The following TMEM132D variants were observed in gnomAD, a reference collection of about 807,000 sequenced individuals.
TMEM132D encodes the protein mature OL transmembrane protein.
A neutral mutation model predicts 62.3 loss-of-function variants in TMEM132D; 21 were observed. That is an observed-to-expected ratio of 0.34 (90% CI 0.24 to 0.49). The LOEUF is 0.49. TMEM132D is among the 20% of genes least tolerant of loss of function. The pLI, the probability that TMEM132D is intolerant of heterozygous loss-of-function variation, is 0.99. For synonymous variants in TMEM132D, 621 were observed against 575.6 expected (o/e 1.08, Z -1.13); for missense variants, 1,346 against 1,402.8 (o/e 0.96, Z 0.65).
intron 2 of TMEM132D, among the ~76,000 whole-genome samples, chr12:129,658,913 G>A (rs1880165092): frequency 6.6e-6 from 1 of 152,050 alleles, no homozygotes; most frequent in Admixed American, 6.6e-5. Context: ...TTAGCAATGA[G>A]ACCCCTGTCT....
At chr12:129,517,659 T>C (rs1875722083) in intron 3 of TMEM132D, among the ~76,000 whole-genome samples, 1 of 152,200 alleles carries the variant, frequency 6.6e-6, no homozygotes, top group South Asian at 2.1e-4. Context: ...AAAAACTACA[T>C]GAAATTTTCC....
intron 1 of TMEM132D, among the ~76,000 whole-genome samples, chr12:129,881,383 A>T (rs1470214279): frequency 1.3e-5 from 2 of 152,088 alleles, no homozygotes; most frequent in Non-Finnish European, 2.9e-5. Context: ...TCCTCACAAC[A>T]GCACAAAATA....
chr12:129,446,671 C>G (rs1873107357), intron 3 of TMEM132D, among the ~76,000 whole-genome samples: 1 of 152,162 alleles, frequency 6.6e-6, no homozygotes, highest in Admixed American at 6.5e-5. Context: ...TTACTGCTTC[C>G]CATGCCATGG....
intron 3 of TMEM132D, among the ~76,000 whole-genome samples, chr12:129,512,071 G>T (rs1353954408): frequency 6.6e-6 from 1 of 152,148 alleles, no homozygotes; most frequent in Non-Finnish European, 1.5e-5. Flanking sequence ...TACAGCATCT[G>T]CAGTGCTTAG....
chr12:129,092,802 C>T lies in TMEM132D; in HGVS notation c.1444-8100G>A, dbSNP rs137928213. ...TGTACTGAATGTCAATAACTTCTTCCACTTAATCCTCACAACATATCTATT... is the reference window on the plus strand; with the variant it reads ...TGTACTGAATGTCAATAACTTCTTCTACTTAATCCTCACAACATATCTATT... On this transcript the variant is annotated intron_variant, in intron 5 of 8. Coordinates refer to ENST00000422113, the MANE Select transcript of TMEM132D (RefSeq NM_133448.3). 6.9e-3 allele frequency among the ~76,000 whole-genome samples: 1,046 copies of T among 152,256 alleles called. 7 individuals carry two copies. The highest frequency in any genetic ancestry group is 0.024 in the African/African-American group (979 of 41,548).
chr12:129,622,434 A>G (rs1240132393), intron 2 of TMEM132D, among the ~76,000 whole-genome samples: 2 of 152,130 alleles, frequency 1.3e-5, no homozygotes, highest in African/African-American at 2.4e-5. Context: ...TGAAATGTGG[A>G]TAAATTTTGG....
At chr12:129,093,632 G>A (rs533309561) in intron 5 of TMEM132D, among the ~76,000 whole-genome samples, 1 of 152,266 alleles carries the variant, frequency 6.6e-6, no homozygotes, top group South Asian at 2.1e-4. Flanking sequence ...TAGATTCAAT[G>A]TCATCTCCAT....
At chr12:129,497,167 G>A (rs1378959175) in intron 3 of TMEM132D, among the ~76,000 whole-genome samples, 2 of 152,144 alleles carry the variant, frequency 1.3e-5, no homozygotes, top group Admixed American at 6.5e-5. Flanking sequence ...TATTAGCTGG[G>A]CGTGGTGGTG....
At chr12:129,684,698 AG>A (rs772663045) in intron 2 of TMEM132D, among the ~76,000 whole-genome samples, 73 of 152,136 alleles carry the variant, frequency 4.8e-4, no homozygotes, top group Non-Finnish European at 8.5e-4. Flanking sequence ...TGGAGGGCTC[AG>A]AAGACAGGAA....
At chr12:129,670,167 C>T (rs1019406484) in intron 2 of TMEM132D, among the ~76,000 whole-genome samples, 1 of 152,210 alleles carries the variant, frequency 6.6e-6, no homozygotes, top group Admixed American at 6.5e-5. Flanking sequence ...CTTCTAACCT[C>T]CAAGCTGTCC....
chr12:129,524,402 T>C (rs1448203473), intron 3 of TMEM132D, among the ~76,000 whole-genome samples: 1 of 152,100 alleles, frequency 6.6e-6, no homozygotes, highest in African/African-American at 2.4e-5. Flanking sequence ...CTATTCAAGA[T>C]TTTCTCCCCG....
At chr12:129,085,445 T>C (rs1425778308) in intron 5 of TMEM132D, 2 of 152,288 alleles carry the variant, frequency 1.3e-5, no homozygotes, top group East Asian at 3.9e-4. Context: ...TTGCCCACCA[T>C]GCGAGCTAGC....
chr12:129,362,180 A>C (rs1870269157), intron 3 of TMEM132D, among the ~76,000 whole-genome samples: 1 of 152,146 alleles, frequency 6.6e-6, no homozygotes, highest in African/African-American at 2.4e-5. Flanking sequence ...ATCGGTTCCC[A>C]ATCAAATCTT....
intron 4 of TMEM132D, among the ~76,000 whole-genome samples, chr12:129,242,136 G>A (rs1452910764): frequency 1.3e-5 from 2 of 152,108 alleles, no homozygotes; most frequent in African/African-American, 4.8e-5. Flanking sequence ...TCCAAAAATG[G>A]CCCTTGGCCC....
chr12:129,819,814 C>T (rs1307269121), intron 1 of TMEM132D, among the ~76,000 whole-genome samples: 1 of 152,134 alleles, frequency 6.6e-6, no homozygotes, highest in African/African-American at 2.4e-5. Context: ...AACATGTTTT[C>T]CTCCTATTCT....
chr12:129,793,380 A>G (rs1372602893), intron 1 of TMEM132D, among the ~76,000 whole-genome samples: 1 of 151,946 alleles, frequency 6.6e-6, no homozygotes, highest in Non-Finnish European at 1.5e-5. Context: ...AATTTTTACT[A>G]TTATTTTTTG....
At chr12:129,620,322 G>C (rs1331035436) in intron 2 of TMEM132D, among the ~76,000 whole-genome samples, 2 of 152,222 alleles carry the variant, frequency 1.3e-5, no homozygotes, top group African/African-American at 4.8e-5. Flanking sequence ...CAGGCCTGCA[G>C]AAGCAGTGGC....
In TMEM132D at chr12:129,178,716, A is replaced by C. The variant is rs151327941; in HGVS notation, c.1443+30804T>G. ...TTAAACTGCTTTTACCAATTGTAGT[A>C]ATATGATGTGGTCAATTGCAAAAAT... is the stretch of plus-strand genomic sequence containing the variant. On this transcript the variant is annotated intron_variant, in intron 5 of 8. Transcript: ENST00000422113. 2.0e-5 allele frequency among the ~76,000 whole-genome samples: 3 copies of C among 152,326 alleles called. 1 individual carries two copies. Among genetic ancestry groups the C allele is most frequent in the African/African-American group, 7.2e-5 (3 of 41,582 alleles).
intron 3 of TMEM132D, among the ~76,000 whole-genome samples, chr12:129,407,980 A>G (rs10847863): frequency 0.13 from 19,900 of 151,752 alleles, 1,807 homozygotes; most frequent in East Asian, 0.39. Flanking sequence ...TTTCACCTGT[A>G]GCCTAACTTC....
Sources: gnomAD v4.1 joint callset for allele counts (sites outside exome capture counted in the v4.1 genomes callset) on GRCh38, gnomAD v4.1.1 for gene constraint, MANE v1.5 for transcripts, NCBI Gene and HGNC (gene_info 2026-07-23, HGNC 2026-07-21) for gene names.